GABBR2: variants seen among roughly 807,000 people sequenced by gnomAD.
GABBR2 encodes G-protein coupled receptor 51.
GABBR2 carries 23 observed loss-of-function variants against 105.6 expected under a neutral mutation model. The ratio of observed to expected loss-of-function variants is 0.22; its 90% CI spans 0.16 to 0.31. GABBR2 has a LOEUF of 0.31. GABBR2 is among the 10% of genes least tolerant of loss of function. The probability of loss-of-function intolerance (pLI) is 1.00; values close to 1 mark genes in which losing one functional copy is unlikely to be tolerated. For synonymous variants in GABBR2, 478 were observed against 499.7 expected (o/e 0.96, Z 0.58); for missense variants, 734 against 1,245.5 (o/e 0.59, Z 6.18).
intron 2 of GABBR2, chr9:98,555,614 G>C (rs28546491): frequency 1.3e-5 from 2 of 152,012 alleles, no homozygotes; most frequent in Non-Finnish European, 2.9e-5. Flanking sequence ...AAGTGTTCTC[G>C]TGTGATCACA....
chr9:98,707,086 C>A (rs1323066358), intron 1 of GABBR2, among the ~76,000 whole-genome samples: 1 of 152,230 alleles, frequency 6.6e-6, no homozygotes, highest in East Asian at 1.9e-4. Flanking sequence ...GCAGAGCAAG[C>A]TGGTTCACCG....
At chr9:98,304,165 C>G (rs531870067) in intron 15 of GABBR2, 1 of 152,548 alleles carries the variant, frequency 6.6e-6, no homozygotes, top group Non-Finnish European at 1.5e-5. Context: ...CTTCACCAGG[C>G]CAGCGGGTAT....
chr9:98,493,336 T>C lies in GABBR2; in HGVS notation c.732+3077A>G, dbSNP rs552707265. On this transcript the variant is annotated intron_variant, in intron 4 of 18. Transcript: ENST00000259455. ...TCTAAGGAGCCCTGGTTCCTTTTAC[T>C]GGAGAATGGTGTTAGGAACCAAAAT... is the stretch of plus-strand genomic sequence containing the variant. Among the ~76,000 whole-genome samples, 46 of 152,320 alleles carry C rather than the reference T, an allele frequency of 3.0e-4. 1 individual carries two copies. Among genetic ancestry groups the C allele is most frequent in the Admixed American group, 2.4e-3 (37 of 15,304 alleles).
At chr9:98,689,232 C>T (rs146487594) in intron 1 of GABBR2, among the ~76,000 whole-genome samples, 3 of 152,286 alleles carry the variant, frequency 2.0e-5, no homozygotes, top group African/African-American at 2.4e-5. Flanking sequence ...TGGTGTATAA[C>T]GTTTAGGGAT....
intron 1 of GABBR2, among the ~76,000 whole-genome samples, chr9:98,605,930 C>A (rs59652555): frequency 0.08 from 12,225 of 152,040 alleles, 508 homozygotes; most frequent in African/African-American, 0.1. Flanking sequence ...CCCCGTCCCT[C>A]CACCCCACTA....
chr9:98,566,568 G>C (rs759500980), intron 2 of GABBR2, among the ~76,000 whole-genome samples: 2 of 152,056 alleles, frequency 1.3e-5, no homozygotes, highest in Non-Finnish European at 2.9e-5. Flanking sequence ...GCAGCTACTC[G>C]GGAGGCCGAG....
intron 13 of GABBR2, among the ~76,000 whole-genome samples, chr9:98,325,978 G>T (rs894581764): frequency 2.6e-5 from 4 of 152,184 alleles, no homozygotes; most frequent in Non-Finnish European, 5.9e-5. Context: ...AAATACTCTA[G>T]TGACCTCCTT....
At chr9:98,445,534 T>C (rs1826110999) in intron 7 of GABBR2, among the ~76,000 whole-genome samples, 1 of 152,242 alleles carries the variant, frequency 6.6e-6, no homozygotes, top group Admixed American at 6.5e-5. Flanking sequence ...GTTAACGACG[T>C]GTTCTCGGAA....
At chr9:98,677,062 G>C (rs1226409430) in intron 1 of GABBR2, among the ~76,000 whole-genome samples, 2 of 152,164 alleles carry the variant, frequency 1.3e-5, no homozygotes, top group Admixed American at 6.5e-5. Flanking sequence ...AACTTCCCCT[G>C]CCTTACAGGC....
intron 1 of GABBR2, among the ~76,000 whole-genome samples, chr9:98,637,115 A>T (rs971221099): frequency 1.3e-5 from 2 of 152,176 alleles, no homozygotes; most frequent in Non-Finnish European, 2.9e-5. Flanking sequence ...CTGATATCGA[A>T]CTGAAAACTT....
intron 7 of GABBR2, among the ~76,000 whole-genome samples, chr9:98,417,451 T>C (rs1019655382): frequency 6.6e-6 from 1 of 152,188 alleles, no homozygotes; most frequent in African/African-American, 2.4e-5. Context: ...TGGCTAACAC[T>C]ATTTCTTTAC....
intron 3 of GABBR2, among the ~76,000 whole-genome samples, chr9:98,519,571 T>C (rs1827826311): frequency 6.6e-6 from 1 of 152,238 alleles, no homozygotes; most frequent in African/African-American, 2.4e-5. Context: ...ATGACCAGTT[T>C]ATGGGTAAAT....
At chr9:98,671,365 T>G (rs1046366788) in intron 1 of GABBR2, among the ~76,000 whole-genome samples, 1 of 152,256 alleles carries the variant, frequency 6.6e-6, no homozygotes, top group Admixed American at 6.5e-5. Flanking sequence ...ATCTATTTTA[T>G]AGATCTACCA....
intron 9 of GABBR2, among the ~76,000 whole-genome samples, chr9:98,393,118 T>TCATCCACCCAACCATCCATC (rs1588137783): frequency 1.4e-5 from 1 of 72,828 alleles, no homozygotes; most frequent in East Asian, 5.3e-4. Context: ...ACTCATCCAC[T>TCATCCACCCAACCATCCATC]CATCCACCCA....
At chr9:98,647,928 T>C (rs16917776) in intron 1 of GABBR2, among the ~76,000 whole-genome samples, 2,753 of 151,972 alleles carry the variant, frequency 0.018, 85 homozygotes, top group African/African-American at 0.062. Context: ...ACACTGTCGA[T>C]TGAAATGGTC....
At chr9:98,365,724 T>C (rs7860916) in intron 12 of GABBR2, among the ~76,000 whole-genome samples, 3,317 of 152,122 alleles carry the variant, frequency 0.022, 130 homozygotes, top group African/African-American at 0.076. Context: ...GGAAGACTAG[T>C]AGTGAAAATT....
intron 7 of GABBR2, among the ~76,000 whole-genome samples, chr9:98,439,470 C>T (rs1397556761): frequency 1.3e-5 from 2 of 152,162 alleles, no homozygotes; most frequent in Admixed American, 1.3e-4. Context: ...AATGTTAATA[C>T]TAACATAAAT....
At chr9:98,627,452 T>G (rs926033092) in intron 1 of GABBR2, among the ~76,000 whole-genome samples, 1 of 152,234 alleles carries the variant, frequency 6.6e-6, no homozygotes, top group Non-Finnish European at 1.5e-5. Context: ...CTCTTGTTCA[T>G]TCTTCCGGCT....
At position 98,454,185 on chromosome 9, in the gene GABBR2, G is replaced by C. The variant is rs746569162; in HGVS notation, c.1032C>G (p.Asn344Lys). Residue 344 changes from asparagine to lysine, a missense_variant, in exon 7 of 19, where the codon AAC (asparagine) becomes AAG (lysine). Physicochemically the swap from Asn to Lys is moderately conservative, Grantham distance 94. Around this residue, in one of 7 missense-constraint regions of GABBR2, gnomAD observed 370 missense variants for 648.9 expected, o/e 0.57. Transcript: ENST00000259455. This position sits in a 1 kb window ranked among gnomAD's most constrained non-coding sequence, Gnocchi z 4.6. ...TPQQYEREYN[N>K]KRSGVGPSKF... ...TGCTGGGCCCCACGCCTGACCGCTT[G>C]TTGTTGTACTCTCTCTCATACTGCT... 5.6e-6 allele frequency: 9 copies of C among 1,613,668 alleles called. No individual in the cohort carries two copies. The African/African-American group carries it at 8.0e-5, about 14-fold the overall frequency.
Sources: gnomAD v4.1 joint callset for allele counts (sites outside exome capture counted in the v4.1 genomes callset) on GRCh38, gnomAD v4.1.1 for gene constraint, gnomAD v4.1.1 regional missense constraint, Gnocchi (gnomAD v3.1) non-coding constraint, MANE v1.5 for transcripts, NCBI Gene and HGNC (gene_info 2026-07-23, HGNC 2026-07-21) for gene names.